Variants in SVEP1 observed in about 807,000 individuals in gnomAD.
SVEP1 encodes the protein sushi, von Willebrand factor type A, EGF and pentraxin domain containing 1.
In SVEP1, 164 loss-of-function variants were observed where a neutral mutation model predicts 367.3. The ratio of observed to expected loss-of-function variants is 0.45; its 90% CI spans 0.39 to 0.51. SVEP1 has a LOEUF of 0.51. Ranked by LOEUF, SVEP1 falls within the 20% of genes least tolerant of loss-of-function variation. The pLI is 0.00. For missense variants in SVEP1, 4,117 were observed against 4,425.3 expected (o/e 0.93, Z 1.98); for synonymous variants, 1,666 against 1,611.6 (o/e 1.03, Z -0.81).
rs117013765 is a variant in SVEP1 at position 110,492,377 on chromosome 9, A to G, written c.1801-2598T>C. The stretch of plus-strand genomic sequence containing the variant: ...GAATCCCAGATTATATCAATAAACT[A>G]TAAGCGGCTGAAAAGTTAAACTGAT... On this transcript the variant is annotated intron_variant, in intron 8 of 47. Transcript: ENST00000374469. 6.2e-3 allele frequency among the ~76,000 whole-genome samples: 940 copies of G among 152,278 alleles called. 3 individuals carry two copies. The highest frequency in any genetic ancestry group is 0.017 in the Middle Eastern group (5 of 294).
intron 27 of SVEP1, chr9:110,442,447 T>C (rs1238078815): frequency 6.8e-6 from 1 of 147,604 alleles, no homozygotes; most frequent in African/African-American, 2.5e-5. Flanking sequence ...TGGACAATAA[T>C]TTCTTTCTTT....
At chr9:110,509,913 G>C (rs904178297) in intron 5 of SVEP1, among the ~76,000 whole-genome samples, 1 of 152,182 alleles carries the variant, frequency 6.6e-6, no homozygotes, top group African/African-American at 2.4e-5. Context: ...GCTTTGTATT[G>C]TGACAAGTTA....
At chr9:110,397,120 A>C (rs377100886) in intron 40 of SVEP1, among the ~76,000 whole-genome samples, 14 of 151,744 alleles carry the variant, frequency 9.2e-5, no homozygotes, top group Admixed American at 3.3e-4. Context: ...CCGAATCCAG[A>C]AGCACATCAA....
intron 9 of SVEP1, among the ~76,000 whole-genome samples, chr9:110,485,505 G>GA (rs1203394273): frequency 6.6e-6 from 1 of 152,104 alleles, no homozygotes; most frequent in Non-Finnish European, 1.5e-5. Context: ...GTGATGGGTT[G>GA]ATAGGTGCAG....
chr9:110,497,411 T>A lies in SVEP1; in HGVS notation c.1682-478A>T, dbSNP rs184675274. ...CATAGCCCTCTGGATTTCCCAACCA[T>A]AAAACTCAACAAGCTATTTTGAAAT... On this transcript the variant is annotated intron_variant, in intron 7 of 47. Transcript: ENST00000374469. Among the ~76,000 whole-genome samples the A allele has an allele frequency of 3.9e-5, 6 of 152,302 alleles. No individual in the cohort carries two copies. In the East Asian group the frequency reaches 1.2e-3, roughly 29 times the overall value.
At chr9:110,435,129 T>C in intron 29 of SVEP1, 112 bp downstream of exon 29, 1 of 1,218,362 alleles carries the variant, frequency 8.2e-7, no homozygotes, top group Non-Finnish European at 1.1e-6. Context: ...AAAAAGTAGA[T>C]TGACAGTCAC....
At chr9:110,459,391 C>A (rs910496064) in intron 18 of SVEP1, among the ~76,000 whole-genome samples, 3 of 152,144 alleles carry the variant, frequency 2.0e-5, no homozygotes, top group Non-Finnish European at 2.9e-5. Context: ...TTTCCCAAAT[C>A]ATTCCCCCAG....
At chr9:110,403,298 T>TTTTTTTTTTTTG (rs1463368681) in intron 39 of SVEP1, among the ~76,000 whole-genome samples, 8 of 110,888 alleles carry the variant, frequency 7.2e-5, no homozygotes, top group African/African-American at 2.6e-4. Flanking sequence ...CCACCGCCGT[T>TTTTTTTTTTTTG]TTTTTTTTTT....
chr9:110,429,447 T>A lies in SVEP1; in HGVS notation c.5616-113A>T, dbSNP rs1828315509. On this transcript the variant is annotated intron_variant, in intron 34 of 47. Coordinates refer to ENST00000374469, the MANE Select transcript of SVEP1 (RefSeq NM_153366.4). Reference sequence around the variant, plus strand: ...AATTTATACATATTGGAAAAGTTGATTTTTTTTCCTACTGAAATAATGCTT... The same window carrying A: ...AATTTATACATATTGGAAAAGTTGAATTTTTTTCCTACTGAAATAATGCTT... The A allele has an allele frequency of 1.1e-5, 8 of 758,288 alleles. No homozygotes were observed. In the South Asian group the frequency reaches 2.2e-4, roughly 21 times the overall value. The allele number at this position is 758,288 out of a possible 1,614,324, so 47.0% of individuals were successfully genotyped here.
intron 39 of SVEP1, among the ~76,000 whole-genome samples, chr9:110,403,155 CCT>C (rs1827888838): frequency 6.6e-6 from 1 of 152,114 alleles, no homozygotes; most frequent in South Asian, 2.1e-4. Context: ...CTTTTAATCC[CCT>C]GACACCAACC....
intron 36 of SVEP1, among the ~76,000 whole-genome samples, chr9:110,414,309 A>G (rs777896348): frequency 3.3e-5 from 5 of 152,064 alleles, no homozygotes; most frequent in Non-Finnish European, 4.4e-5. Flanking sequence ...TAAGAGACAG[A>G]GAAATCAGGA....
At chr9:110,383,982 G>T (rs1827482857) in intron 43 of SVEP1, among the ~76,000 whole-genome samples, 1 of 151,840 alleles carries the variant, frequency 6.6e-6, no homozygotes, top group Non-Finnish European at 1.5e-5. Context: ...ATGGTAGACT[G>T]GAGCTGCAGT....
At chr9:110,498,311 T>C (rs773221672) in intron 7 of SVEP1, among the ~76,000 whole-genome samples, 1 of 152,248 alleles carries the variant, frequency 6.6e-6, no homozygotes, top group Non-Finnish European at 1.5e-5. Context: ...AATTTTCTTC[T>C]CTTGGTAGAG....
intron 3 of SVEP1, among the ~76,000 whole-genome samples, chr9:110,537,536 T>C (rs757266135): frequency 1.3e-5 from 2 of 151,974 alleles, no homozygotes; most frequent in Non-Finnish European, 2.9e-5. Context: ...TACAATTCTG[T>C]GATCAACAGA....
chr9:110,384,010 C>G (rs116247185), intron 43 of SVEP1, among the ~76,000 whole-genome samples: 443 of 152,172 alleles, frequency 2.9e-3, no homozygotes, highest in African/African-American at 9.9e-3. Context: ...GCCGCCTCTT[C>G]CCCCAGAAGC....
At chr9:110,479,828 T>C in intron 12 of SVEP1, 72 bp from the exon 13 acceptor site, 2 of 1,544,378 alleles carry the variant, frequency 1.3e-6, no homozygotes, top group South Asian at 1.2e-5. Flanking sequence ...TTCTATGAAA[T>C]AATTGAAACA....
chr9:110,436,463 C>T lies in SVEP1; in HGVS notation c.4681G>A (p.Gly1561Arg), dbSNP rs1239199159. The change falls in exon 28 of 48, where the codon GGA becomes AGA. Residue 1561 changes from glycine (G) to arginine (R), a missense_variant. Around this residue, in one of 4 missense-constraint regions of SVEP1, gnomAD observed 2,174 missense variants for 2,494.3 expected, o/e 0.87. Transcript: ENST00000374469. Reference protein sequence around the residue: ...LVLGQEQDKKGEGFSPAESFV... With the variant: ...LVLGQEQDKKREGFSPAESFV... ...GACTCAGCTGGGCTGAATCCCTCTCCTTTTTTGTCTTGCTCTTGCCCCAGA... is the reference window on the plus strand; with the variant it reads ...GACTCAGCTGGGCTGAATCCCTCTCTTTTTTTGTCTTGCTCTTGCCCCAGA... The T allele has an allele frequency of 6.2e-7, 1 of 1,613,932 alleles. No homozygotes were observed. The highest frequency in any genetic ancestry group is 8.5e-7 in the Non-Finnish European group (1 of 1,179,864).
chr9:110,372,429 T>C (rs777309730), intron 46 of SVEP1, among the ~76,000 whole-genome samples: 1 of 152,142 alleles, frequency 6.6e-6, no homozygotes, highest in Non-Finnish European at 1.5e-5. Flanking sequence ...TATGCTGAGG[T>C]AGCTGCTGTA....
rs187207698 is a variant in SVEP1 at position 110,435,154 on chromosome 9, A to G, written c.4888+87T>C. 7.4e-6 allele frequency: 11 copies of G among 1,483,434 alleles called. No homozygotes were observed. The Admixed American group carries it at 2.1e-4, about 29-fold the overall frequency. 91.9% of individuals were successfully genotyped at this position (1,483,434 alleles called of 1,614,324 possible). ...TTGACAGTCACATACGATTGGACCG[A>G]TAGAGAATTCTGAACTGTCTTCTTT... On this transcript the variant is annotated intron_variant, in intron 29 of 47. Coordinates refer to ENST00000374469, the MANE Select transcript of SVEP1 (RefSeq NM_153366.4).
Sources: gnomAD v4.1 joint callset for allele counts (sites outside exome capture counted in the v4.1 genomes callset) on GRCh38, gnomAD v4.1.1 for gene constraint, gnomAD v4.1.1 regional missense constraint, MANE v1.5 for transcripts, NCBI Gene and HGNC (gene_info 2026-07-23, HGNC 2026-07-21) for gene names.